QSOX2: variants seen among roughly 807,000 people sequenced by gnomAD.
The protein encoded by QSOX2 is sulfhydryl oxidase 2.
A neutral mutation model predicts 61.7 loss-of-function variants in QSOX2; 46 were observed. The observed-to-expected ratio is 0.75, with a 90% CI of 0.59 to 0.95. The LOEUF (loss-of-function observed/expected upper bound fraction) is 0.95. Ranked by LOEUF, QSOX2 falls within the 40% of genes least tolerant of loss-of-function variation. QSOX2 has a pLI of 0.00. For synonymous variants in QSOX2, 383 were observed against 388.4 expected (o/e 0.99, Z 0.16); for missense variants, 879 against 918.9 (o/e 0.96, Z 0.56).
At position 136,218,673 on chromosome 9, in the gene QSOX2, C is replaced by T. The variant is rs77984401; in HGVS notation, c.1086+6G>A. ...ACATGCAGCCCAGACCAGCACCGTC[C>T]CAAACCTTGGCCAAGACAGTCACAA... On this transcript the variant is annotated splice_donor_region_variant and intron_variant, in intron 8 of 11. Transcript: ENST00000358701. The T allele has an allele frequency of 1.4e-3, 2,335 of 1,613,122 alleles. 32 individuals are homozygous for T. In the African/African-American group the frequency reaches 0.028, roughly 20 times the overall value.
rs1342657619 is a variant in QSOX2 at position 136,219,040 on chromosome 9, C to A, written c.946G>T (p.Glu316Ter). Residue 316 changes from glutamate (E) to a stop codon, truncating the protein, a stop_gained, in exon 7 of 12, where the codon GAA (glutamate) becomes TAA (stop). Transcript: ENST00000358701. LOFTEE classifies it high-confidence loss of function. ...AAGAGGAACACTTGCTTGTCAAATT[C>A]TCTCCAAACCACGATTTCTGAATTT... ...EENSEIVVWR[E>*]FDKSKLYTVD... 1 of 1,614,048 alleles carries A rather than the reference C, an allele frequency of 6.2e-7. No individual in the cohort carries two copies. The highest frequency in any genetic ancestry group is 8.5e-7 in the Non-Finnish European group (1 of 1,179,988).
chr9:136,211,130 C>G, intron 11 of QSOX2, 134 bp downstream of exon 11: 1 of 981,916 alleles, frequency 1.0e-6, no homozygotes, highest in South Asian at 1.7e-5. Context: ...AGTCCTGATC[C>G]CGTCAGCACA....
intron 1 of QSOX2, among the ~76,000 whole-genome samples, chr9:136,234,829 G>GC (rs1271172616): frequency 6.7e-6 from 1 of 149,952 alleles, no homozygotes; most frequent in South Asian, 2.1e-4. Flanking sequence ...TCTCCACGAG[G>GC]CCCCCCAGCT....
At chr9:136,218,628 CTG>C (rs778077729) in intron 8 of QSOX2, 49 bp downstream of exon 8, 11 of 1,585,220 alleles carry the variant, frequency 6.9e-6, no homozygotes, top group Non-Finnish European at 9.4e-6. Flanking sequence ...AGGGCCCACT[CTG>C]TGCAGAGCCA....
intron 11 of QSOX2, chr9:136,210,774 T>G (rs993255942): frequency 2.8e-4 from 274 of 985,222 alleles, no homozygotes; most frequent in Admixed American, 2.5e-4. Flanking sequence ...AATCTGCCAC[T>G]GATTTAGGAA....
In QSOX2 at chr9:136,243,246, T is replaced by C. The variant is rs376659868; in HGVS notation, c.328+2230A>G. Among the ~76,000 whole-genome samples the C allele has an allele frequency of 2.0e-5, 3 of 152,334 alleles. No individual in the cohort carries two copies. In the East Asian group the frequency reaches 5.8e-4, roughly 29 times the overall value. ...CAAAGCTGTCTTTTGTGAGGGAAAT[T>C]TGCATCTGTAGAGAATCTCCCTCCC... On this transcript the variant is annotated intron_variant, in intron 1 of 11. Transcript: ENST00000358701.
chr9:136,217,976 C>T lies in QSOX2; in HGVS notation c.1086+703G>A, dbSNP rs1207752682. On this transcript the variant is annotated intron_variant, in intron 8 of 11. Transcript: ENST00000358701. ...AAGTAAACTCTATCCAAAGTGCTCA[C>T]TATAAATTATTCTATCATGCATCTT... Among the ~76,000 whole-genome samples the T allele has an allele frequency of 2.0e-5, 3 of 152,268 alleles. No individual in the cohort carries two copies. The East Asian group carries it at 5.8e-4, about 29-fold the overall frequency.
intron 9 of QSOX2, among the ~76,000 whole-genome samples, chr9:136,216,209 G>A (rs769718149): frequency 1.3e-5 from 2 of 152,246 alleles, no homozygotes; most frequent in Non-Finnish European, 2.9e-5. Context: ...GGTCCCCTGA[G>A]CAAAGACTGG....
chr9:136,241,111 A>T (rs1351153111), intron 1 of QSOX2, among the ~76,000 whole-genome samples: 1 of 152,146 alleles, frequency 6.6e-6, no homozygotes, highest in Non-Finnish European at 1.5e-5. Context: ...GCCACTGGGG[A>T]GGCCAGCGGG....
In QSOX2 at chr9:136,245,608, G is replaced by A; in HGVS notation, c.196C>T (p.Leu66=). 1 of 1,557,230 alleles carries A rather than the reference G, an allele frequency of 6.4e-7. No individual in the cohort carries two copies. Among genetic ancestry groups the A allele is most frequent in the Non-Finnish European group, 8.6e-7 (1 of 1,162,122 alleles). ...YRAGEDAVWV[L]DSGSVRGATA... is the part of the protein sequence containing the mutation. ...GCCCCGCGCACGCTGCCGCTGTCCA[G>A]CACCCACACGGCGTCCTCGCCCGCG... Residue 66 remains leucine, a synonymous_variant, in exon 1 of 12, where the codon CTG becomes TTG. Coordinates refer to ENST00000358701, the MANE Select transcript of QSOX2 (RefSeq NM_181701.4).
chr9:136,227,084 G>A (rs759393427), intron 1 of QSOX2, among the ~76,000 whole-genome samples: 1 of 152,190 alleles, frequency 6.6e-6, no homozygotes, highest in Non-Finnish European at 1.5e-5. Flanking sequence ...TCCTACCACA[G>A]ATAGTCACAG....
intron 10 of QSOX2, among the ~76,000 whole-genome samples, chr9:136,212,649 C>T (rs962593332): frequency 6.6e-6 from 1 of 152,254 alleles, no homozygotes; most frequent in Non-Finnish European, 1.5e-5. Context: ...GCCCTGCTCT[C>T]CTGCCGGGAG....
At chr9:136,236,468 G>A (rs62579049) in intron 1 of QSOX2, among the ~76,000 whole-genome samples, 8,347 of 152,284 alleles carry the variant, frequency 0.055, 432 homozygotes, top group African/African-American at 0.14. Context: ...TTTCCCTCCA[G>A]TTTTGGCCAA....
chr9:136,226,763 GT>G lies in QSOX2; in HGVS notation c.429+10del, dbSNP rs762578456. The G allele has an allele frequency of 6.2e-7, 1 of 1,605,618 alleles. No homozygotes were observed. The highest frequency in any genetic ancestry group is 2.2e-5 in the East Asian group (1 of 44,834). On this transcript the variant is annotated intron_variant, in intron 2 of 11. Transcript: ENST00000358701. Reference sequence around the variant, plus strand: ...TGAATTTCAACGGACAAGCAGCCGCGTGATACTCACCCGGAAGGTGGGGTAG... The same window carrying G: ...TGAATTTCAACGGACAAGCAGCCGCGGATACTCACCCGGAAGGTGGGGTAG...
intron 1 of QSOX2, among the ~76,000 whole-genome samples, chr9:136,227,687 G>A (rs893677624): frequency 6.6e-6 from 1 of 152,126 alleles, no homozygotes; most frequent in Admixed American, 6.5e-5. Flanking sequence ...AAAGATGAAG[G>A]CTCTCCACTG....
chr9:136,245,535 C>A lies in QSOX2; in HGVS notation c.269G>T (p.Trp90Leu). 1 of 1,593,762 alleles carries A rather than the reference C, an allele frequency of 6.3e-7. No homozygotes were observed. The highest frequency in any genetic ancestry group is 2.3e-5 in the East Asian group (1 of 44,162). Residue 90 changes from tryptophan (W) to leucine (L), a missense_variant, in exon 1 of 12, where the codon TGG becomes TTG. Coordinates refer to ENST00000358701, the MANE Select transcript of QSOX2 (RefSeq NM_181701.4). The part of the protein sequence containing the change: ...AAWLVQFYSS[W>L]CGHCIGYAPT... ...CGCGTAGCCGATGCAGTGGCCACAC[C>A]ACGACGAGTAGAACTGCACGAGCCA... is the stretch of plus-strand genomic sequence containing the variant.
At position 136,209,077 on chromosome 9, in the gene QSOX2, G is replaced by A. The variant is rs201877940; in HGVS notation, c.1748C>T (p.Thr583Ile). The A allele has an allele frequency of 1.2e-6, 2 of 1,614,180 alleles. No homozygotes were observed. The highest frequency in any genetic ancestry group is 4.5e-5 in the East Asian group (2 of 44,882). The change falls in exon 12 of 12, where the codon ACC becomes ATC. Residue 583 changes from threonine to isoleucine, a missense_variant. Thr to Ile is a moderately conservative substitution (Grantham distance 89). Coordinates refer to ENST00000358701, the MANE Select transcript of QSOX2 (RefSeq NM_181701.4). This position sits in a 1 kb window ranked among gnomAD's most constrained non-coding sequence, Gnocchi z 5.6. ...CTCCTCTTCCTCACCCCTGGCCAGG[G>A]TTCCTCCTTCACTGGAATCCCCCTG... is the stretch of plus-strand genomic sequence containing the variant. ...ADQGDSSEGGTLARGEEEEKR... is the reference protein window; with the variant it reads ...ADQGDSSEGGILARGEEEEKR...
chr9:136,206,644 C>T lies in QSOX2; in HGVS notation c.*2084G>A, dbSNP rs1222792699. The T allele has an allele frequency of 6.6e-6, 1 of 152,142 alleles. No homozygotes were observed. Among genetic ancestry groups the T allele is most frequent in the Non-Finnish European group, 1.5e-5 (1 of 67,970 alleles). 9.4% of individuals were successfully genotyped at this position (152,142 alleles called of 1,614,324 possible). A position where few individuals can be genotyped will look rare whatever the true frequency, so the allele number is the denominator to read the frequency against. On this transcript the variant is annotated 3_prime_UTR_variant, in exon 12 of 12. Coordinates refer to ENST00000358701, the MANE Select transcript of QSOX2 (RefSeq NM_181701.4). ...GAGTATGGCCATATGACTCCTGGGGCCACCTCCACGACGGCCCAGCCCCAC... is the reference window on the plus strand; with the variant it reads ...GAGTATGGCCATATGACTCCTGGGGTCACCTCCACGACGGCCCAGCCCCAC...
intron 2 of QSOX2, among the ~76,000 whole-genome samples, chr9:136,226,473 C>T (rs1014734224): frequency 2.0e-5 from 3 of 152,202 alleles, no homozygotes; most frequent in Admixed American, 2.0e-4. Context: ...GGTCTCCTTG[C>T]GCCCCCTGGC....
Sources: allele counts gnomAD v4.1 joint callset (sites outside exome capture counted in the v4.1 genomes callset), GRCh38; gene constraint gnomAD v4.1.1; non-coding constraint Gnocchi (gnomAD v3.1); transcripts MANE v1.5; gene names NCBI Gene and HGNC (gene_info 2026-07-23, HGNC 2026-07-21).